Variants in GJA8 observed in about 807,000 individuals in gnomAD.
The protein encoded by GJA8 is gap junction protein alpha 8.
In GJA8, 13 loss-of-function variants were observed where a neutral mutation model predicts 15.3. That is an observed-to-expected ratio of 0.85 (90% CI 0.55 to 1.35). The LOEUF is 1.35. Among genes scored for constraint, GJA8 ranks in the 40% most tolerant of loss-of-function variants. The pLI is 0.00. For missense variants in GJA8, 607 were observed against 553.3 expected, an observed-to-expected ratio of 1.10 and a Z score of -0.97; for synonymous variants, 304 against 238.7, an observed-to-expected ratio of 1.27 and a Z score of -2.52.
chr1:147,910,804 G>A (rs797043865), downstream of GJA8, among the ~76,000 whole-genome samples: 1 of 152,192 alleles, frequency 6.6e-6, no homozygotes, highest in African/African-American at 2.4e-5. Flanking sequence ...CTCTCACAAA[G>A]TGGGTGCTCA....
In GJA8 at chr1:147,908,448, T is replaced by C. The variant is rs1167010598; in HGVS notation, c.493T>C (p.Phe165Leu). 3 of 1,614,058 alleles carry C rather than the reference T, an allele frequency of 1.9e-6. No homozygotes were observed. The African/African-American group carries it at 4.0e-5, about 22-fold the overall frequency. ...CTTCAAGACCCTCTTTGAAGTGGGCTTCATCGTGGGCCACTACTTCCTGTA... is the reference window on the plus strand; with the variant it reads ...CTTCAAGACCCTCTTTGAAGTGGGCCTCATCGTGGGCCACTACTTCCTGTA... ...IIFKTLFEVGFIVGHYFLYGF... is the reference protein window; with the variant it reads ...IIFKTLFEVGLIVGHYFLYGF... Residue 165 changes from phenylalanine to leucine, a missense_variant, in exon 2 of 2, where the codon TTC becomes CTC. Physicochemically the swap from Phe to Leu is conservative, Grantham distance 22. Coordinates refer to ENST00000369235, the MANE Select transcript of GJA8 (RefSeq NM_005267.5).
At chr1:147,910,407 A>G (rs74123747), downstream of GJA8, among the ~76,000 whole-genome samples, 5 of 152,132 alleles carry the variant, frequency 3.3e-5, no homozygotes, top group South Asian at 2.1e-4. Flanking sequence ...TGTTTAAATC[A>G]TCAGTCCAGG....
At chr1:147,903,316 T>A (rs1303163325) in intron 1 of GJA8, among the ~76,000 whole-genome samples, 6 of 152,184 alleles carry the variant, frequency 3.9e-5, no homozygotes, top group African/African-American at 1.4e-4. Context: ...GAGCATTTAA[T>A]GGAGCACAGG....
chr1:147,909,124 A>G lies in GJA8; in HGVS notation c.1169A>G (p.Lys390Arg). Residue 390 changes from lysine (K) to arginine (R), a missense_variant, in exon 2 of 2, where the codon AAG (lysine) becomes AGG (arginine). By Grantham distance (26) the Lys-to-Arg change is conservative (BLOSUM62 2). Coordinates refer to ENST00000369235, the MANE Select transcript of GJA8 (RefSeq NM_005267.5). ...GAAAAAGAAGAGCCGCAGTCGGAGA[A>G]GGTGTCAAAGCAAGGGCTGCCAGCT... Reference protein sequence around the residue: ...EGEKEEPQSEKVSKQGLPAEK... With the variant: ...EGEKEEPQSERVSKQGLPAEK... The G allele has an allele frequency of 6.2e-7, 1 of 1,614,068 alleles. No homozygotes were observed. Among genetic ancestry groups the G allele is most frequent in the Non-Finnish European group, 8.5e-7 (1 of 1,179,988 alleles).
rs2149015211 is a variant in GJA8, at chr1:147,907,874, A to G, written c.-11-71A>G. 3 of 1,099,636 alleles carry G rather than the reference A, an allele frequency of 2.7e-6. No individual in the cohort carries two copies. In the East Asian group the frequency reaches 7.0e-5, roughly 26 times the overall value. 68.1% of individuals were successfully genotyped at this position (1,099,636 alleles called of 1,614,324 possible). A position where few individuals can be genotyped will look rare whatever the true frequency, so the allele number is the denominator to read the frequency against. On this transcript the variant is annotated intron_variant, in intron 1 of 1. Transcript: ENST00000369235. ...TTGGAAAGGAGAGGTACCCCGCGTT[A>G]GCAAAAACAGATATTGACTCAGGGT...
At chr1:147,909,270 G>GAA (rs34123490), downstream of GJA8, 48,749 of 1,038,590 alleles carry the variant, frequency 0.047, 8 homozygotes, top group South Asian at 0.065. Context: ...TGACGCCAAA[G>GAA]AAAAAAAAAA....
downstream of GJA8, among the ~76,000 whole-genome samples, chr1:147,912,348 C>G (rs181462627): frequency 1.4e-3 from 212 of 152,316 alleles, 1 homozygote; most frequent in Middle Eastern, 3.4e-3. Context: ...CTCCAGAGAT[C>G]ACTTTTCTCA....
At chr1:147,905,932 G>A (rs1553242237) in intron 1 of GJA8, among the ~76,000 whole-genome samples, 1 of 152,224 alleles carries the variant, frequency 6.6e-6, no homozygotes, top group East Asian at 1.9e-4. Flanking sequence ...TGCCCTGCCT[G>A]ATTGGGAGCT....
At chr1:147,913,517 T>G (rs1553243720), downstream of GJA8, among the ~76,000 whole-genome samples, 1 of 152,208 alleles carries the variant, frequency 6.6e-6, no homozygotes, top group East Asian at 1.9e-4. Flanking sequence ...CGTCAACCCC[T>G]GAGATAATCT....
downstream of GJA8, among the ~76,000 whole-genome samples, chr1:147,911,711 TC>T (rs1304619806): frequency 6.6e-6 from 1 of 152,202 alleles, no homozygotes; most frequent in Non-Finnish European, 1.5e-5. Flanking sequence ...ATAGTTTTGT[TC>T]CTGAAGATGC....
chr1:147,911,247 T>G (rs1652136138), downstream of GJA8, among the ~76,000 whole-genome samples: 1 of 152,222 alleles, frequency 6.6e-6, no homozygotes, highest in Non-Finnish European at 1.5e-5. Context: ...CAATCCCCTT[T>G]GCTGCCCTCT....
intron 1 of GJA8, among the ~76,000 whole-genome samples, chr1:147,906,098 A>G (rs1187043343): frequency 6.6e-6 from 1 of 152,254 alleles, no homozygotes; most frequent in African/African-American, 2.4e-5. Context: ...CACAGGTTGG[A>G]AATAGGCTTT....
chr1:147,906,829 C>T (rs28689190), intron 1 of GJA8, among the ~76,000 whole-genome samples: 1 of 152,322 alleles, frequency 6.6e-6, no homozygotes, highest in East Asian at 1.9e-4. Flanking sequence ...TGCTATTTAG[C>T]TGTCTAATCT....
At chr1:147,905,843 C>T (rs587747440) in intron 1 of GJA8, among the ~76,000 whole-genome samples, 1 of 152,360 alleles carries the variant, frequency 6.6e-6, no homozygotes, top group South Asian at 2.1e-4. Context: ...CTCCAAGGAA[C>T]TCTTCCCAAT....
chr1:147,906,863 G>T (rs1167844681), intron 1 of GJA8, among the ~76,000 whole-genome samples: 1 of 152,092 alleles, frequency 6.6e-6, no homozygotes, highest in Non-Finnish European at 1.5e-5. Context: ...TAGCCTCTCT[G>T]AGCCTCAGAT....
chr1:147,905,582 G>A (rs1651761529), intron 1 of GJA8, among the ~76,000 whole-genome samples: 2 of 152,204 alleles, frequency 1.3e-5, no homozygotes, highest in African/African-American at 2.4e-5. Flanking sequence ...ATTTTAGAAT[G>A]AACTATTTGA....
chr1:147,910,522 T>A (rs998786704), downstream of GJA8, among the ~76,000 whole-genome samples: 2 of 152,190 alleles, frequency 1.3e-5, no homozygotes, highest in African/African-American at 4.8e-5. Flanking sequence ...CTGGGTACCA[T>A]CAGAGAAAGA....
downstream of GJA8, chr1:147,909,283 A>AC (rs782811503): frequency 5.4e-6 from 8 of 1,480,980 alleles, no homozygotes; most frequent in Non-Finnish European, 7.5e-6. Flanking sequence ...AAAAAAAAAA[A>AC]CGCCCAAGCT....
Position 147,909,048 on chromosome 1 carries a change from G to C in GJA8, c.1093G>C (p.Ala365Pro). 6.2e-7 allele frequency: 1 copy of C among 1,600,550 alleles called. No individual in the cohort carries two copies. The highest frequency in any genetic ancestry group is 1.3e-5 in the African/African-American group (1 of 74,792). Residue 365 changes from alanine to proline, a missense_variant, in exon 2 of 2, where the codon GCC becomes CCC. Transcript: ENST00000369235. ...GACCACGGAGGAGCAGGAGAAGGTG[G>C]CCGTGCCAGAGGGGGAGAAAGTAGA... ...RLTTEEQEKV[A>P]VPEGEKVETP...
Sources: allele counts gnomAD v4.1 joint callset (sites outside exome capture counted in the v4.1 genomes callset), GRCh38; gene constraint gnomAD v4.1.1; transcripts MANE v1.5; gene names NCBI Gene and HGNC (gene_info 2026-07-23, HGNC 2026-07-21).